The following SLIT3 variants were observed in gnomAD, a reference collection of about 807,000 sequenced individuals.
SLIT3 encodes slit homolog 3 protein.
SLIT3 carries 68 observed loss-of-function variants against 184.0 expected under a neutral mutation model. The observed-to-expected ratio is 0.37, with a 90% CI of 0.30 to 0.45. The LOEUF (loss-of-function observed/expected upper bound fraction) is 0.45, where lower values mean the gene tolerates loss of function less well. Among genes scored for constraint, SLIT3 ranks in the 20% least tolerant of loss-of-function variants. The pLI is 1.00. For synonymous variants in SLIT3, 831 were observed against 828.6 expected (o/e 1.00, Z -0.05); for missense variants, 1,707 against 2,026.0 (o/e 0.84, Z 3.02).
At chr5:168,989,003 T>C (rs1337164652) in intron 4 of SLIT3, among the ~76,000 whole-genome samples, 2 of 152,206 alleles carry the variant, frequency 1.3e-5, no homozygotes, top group Non-Finnish European at 2.9e-5. Context: ...TCAATGTTAT[T>C]GGACATTTAC....
chr5:168,926,717 G>C, intron 4 of SLIT3, among the ~76,000 whole-genome samples: 1 of 45,368 alleles, frequency 2.2e-5, no homozygotes, highest in South Asian at 4.8e-4. Flanking sequence ...TTTCTACGAA[G>C]AAGACTTGGA....
intron 4 of SLIT3, among the ~76,000 whole-genome samples, chr5:169,140,529 G>A (rs544940510): frequency 4.3e-4 from 64 of 149,878 alleles, no homozygotes; most frequent in South Asian, 1.5e-3. Flanking sequence ...GGTCAGGCAC[G>A]GTGGCTCACA....
intron 4 of SLIT3, among the ~76,000 whole-genome samples, chr5:168,924,788 C>T (rs149205872): frequency 1.3e-3 from 204 of 152,300 alleles, no homozygotes; most frequent in African/African-American, 4.6e-3. Flanking sequence ...ATTAGGATTA[C>T]AGGCGTGAGC....
intron 4 of SLIT3, among the ~76,000 whole-genome samples, chr5:168,890,245 C>T (rs1314639669): frequency 2.0e-5 from 3 of 151,618 alleles, no homozygotes; most frequent in African/African-American, 7.3e-5. Context: ...GCTCCCAGAC[C>T]AAGCAAAAGA....
intron 4 of SLIT3, among the ~76,000 whole-genome samples, chr5:169,100,201 C>T (rs139180075): frequency 2.0e-5 from 3 of 152,072 alleles, no homozygotes; most frequent in Non-Finnish European, 4.4e-5. Context: ...CTAGAAGAGC[C>T]TAGGAAGAAT....
intron 4 of SLIT3, chr5:168,994,092 GA>G (rs1561595297): frequency 6.6e-6 from 1 of 152,230 alleles, no homozygotes; most frequent in Non-Finnish European, 1.5e-5. Context: ...CGGTGGAGAA[GA>G]AAAAGACTTT....
intron 4 of SLIT3, among the ~76,000 whole-genome samples, chr5:168,906,132 G>A (rs13172600): frequency 0.48 from 72,751 of 151,924 alleles, 18,414 homozygotes; most frequent in East Asian, 0.71. Flanking sequence ...TCCCCACCTT[G>A]CCCAATATTT....
chr5:169,237,872 G>A (rs765344268), intron 3 of SLIT3, among the ~76,000 whole-genome samples: 1 of 152,148 alleles, frequency 6.6e-6, no homozygotes, highest in African/African-American at 2.4e-5. Flanking sequence ...CATTTTACAT[G>A]TAGGTCTATG....
intron 20 of SLIT3, among the ~76,000 whole-genome samples, chr5:168,728,714 T>G (rs1334456041): frequency 6.6e-6 from 1 of 151,838 alleles, no homozygotes; most frequent in African/African-American, 2.4e-5. Flanking sequence ...AGCCCAGGAA[T>G]TTGAGACCAG....
chr5:168,670,614 A>G (rs552121350), intron 34 of SLIT3, among the ~76,000 whole-genome samples: 1 of 152,370 alleles, frequency 6.6e-6, no homozygotes, highest in African/African-American at 2.4e-5. Context: ...AAGAAGCTCA[A>G]ACCCTGTATA....
chr5:169,228,261 G>A (rs1361707824), intron 3 of SLIT3, among the ~76,000 whole-genome samples: 1 of 152,114 alleles, frequency 6.6e-6, no homozygotes. Flanking sequence ...TGAGGAAACT[G>A]CTGGAAGAAT....
At chr5:169,172,939 A>G (rs1762862664) in intron 4 of SLIT3, among the ~76,000 whole-genome samples, 1 of 152,180 alleles carries the variant, frequency 6.6e-6, no homozygotes. Flanking sequence ...AGACCAGCAT[A>G]GTCAGGGAGG....
At chr5:169,296,896 C>A (rs892959789) in intron 1 of SLIT3, among the ~76,000 whole-genome samples, 12 of 152,254 alleles carry the variant, frequency 7.9e-5, no homozygotes, top group African/African-American at 2.2e-4. Flanking sequence ...CCACCCCTCA[C>A]TGCAGTGAGA....
At chr5:169,199,009 T>TACAC (rs562637290) in intron 3 of SLIT3, among the ~76,000 whole-genome samples, 8,678 of 146,292 alleles carry the variant, frequency 0.059, 387 homozygotes, top group East Asian at 0.18. Flanking sequence ...TATATATAAA[T>TACAC]ACACACACAC....
intron 5 of SLIT3, among the ~76,000 whole-genome samples, chr5:168,857,969 T>G (rs1249929219): frequency 6.6e-6 from 1 of 152,234 alleles, no homozygotes; most frequent in Non-Finnish European, 1.5e-5. Flanking sequence ...CCACCGGGGA[T>G]CCTTCTACCC....
chr5:169,140,049 A>G (rs1761667205), intron 4 of SLIT3, among the ~76,000 whole-genome samples: 1 of 152,028 alleles, frequency 6.6e-6, no homozygotes. Flanking sequence ...TGGTGGAGGA[A>G]TCTCTGCAGG....
At chr5:169,287,247 T>G (rs1410178711) in intron 1 of SLIT3, among the ~76,000 whole-genome samples, 3 of 152,196 alleles carry the variant, frequency 2.0e-5, no homozygotes, top group Non-Finnish European at 2.9e-5. Flanking sequence ...TGCCGTTTTC[T>G]TCAGCTGGGA....
chr5:169,101,396 C>A (rs1760008217), intron 4 of SLIT3, among the ~76,000 whole-genome samples: 1 of 152,144 alleles, frequency 6.6e-6, no homozygotes, highest in African/African-American at 2.4e-5. Context: ...GGAGAGGTCC[C>A]CAGTCTCATT....
At chr5:168,934,739 GAAC>G (rs1410531434) in intron 4 of SLIT3, among the ~76,000 whole-genome samples, 1 of 152,128 alleles carries the variant, frequency 6.6e-6, no homozygotes, top group African/African-American at 2.4e-5. Flanking sequence ...TTGGGAATTA[GAAC>G]AACAACAATA....
Sources: gnomAD v4.1 joint callset for allele counts (sites outside exome capture counted in the v4.1 genomes callset) on GRCh38, gnomAD v4.1.1 for gene constraint, MANE v1.5 for transcripts, NCBI Gene and HGNC (gene_info 2026-07-23, HGNC 2026-07-21) for gene names.